The following ARF4 variants were observed in gnomAD, a reference collection of about 807,000 sequenced individuals.
The protein encoded by ARF4 is ADP-ribosylation factor 4.
Under a neutral mutation model 24.3 loss-of-function variants are expected in ARF4, and 5 were observed. That is an observed-to-expected ratio of 0.21 (90% CI 0.11 to 0.43). The LOEUF is 0.43. Ranked by LOEUF, ARF4 falls within the 20% of genes least tolerant of loss-of-function variation. The pLI is 1.00. For synonymous variants in ARF4, 62 were observed against 73.5 expected (o/e 0.84, Z 0.80); for missense variants, 107 against 213.0 (o/e 0.50, Z 3.10).
intron 1 of ARF4, among the ~76,000 whole-genome samples, chr3:57,589,056 C>T (rs1246126599): frequency 6.6e-6 from 1 of 151,056 alleles, no homozygotes; most frequent in Non-Finnish European, 1.5e-5. Flanking sequence ...GAGCTGAGAT[C>T]GCGCCATTAC....
chr3:57,586,291 TA>T (rs1214232920), intron 1 of ARF4, among the ~76,000 whole-genome samples: 1 of 151,234 alleles, frequency 6.6e-6, no homozygotes, highest in East Asian at 1.9e-4. Context: ...GACACTTTCT[TA>T]ATATTTAAAT....
At chr3:57,595,017 C>T (rs1217403388) in intron 1 of ARF4, among the ~76,000 whole-genome samples, 1 of 152,136 alleles carries the variant, frequency 6.6e-6, no homozygotes, top group African/African-American at 2.4e-5. Flanking sequence ...AAGTGCAAAA[C>T]GATAGCATGC....
intron 3 of ARF4, among the ~76,000 whole-genome samples, chr3:57,582,955 A>G (rs2069993565): frequency 6.6e-6 from 1 of 152,150 alleles, no homozygotes. Flanking sequence ...CCCCCAGGGG[A>G]TATTTTGCAG....
intron 1 of ARF4, among the ~76,000 whole-genome samples, chr3:57,585,197 T>G (rs552524641): frequency 6.6e-6 from 1 of 152,272 alleles, no homozygotes; most frequent in Admixed American, 6.5e-5. Flanking sequence ...AATTAGAAGT[T>G]GATTCAGACA....
chr3:57,577,370 T>C lies in ARF4; in HGVS notation c.276A>G (p.Val92=), dbSNP rs776292411. ...FQNTQGLIFV[V]DSNDRERIQE... ...GAATTCTTTCACGATCGTTGCTATC[T>C]ACCACAAAAATAAGACCCTGGGGAA... is the stretch of plus-strand genomic sequence containing the variant. The change falls in exon 4 of 6, where the codon GTA becomes GTG. Residue 92 remains valine (V), a synonymous_variant. Coordinates refer to ENST00000303436, the MANE Select transcript of ARF4 (RefSeq NM_001660.4). 1.2e-6 allele frequency: 2 copies of C among 1,612,054 alleles called. No individual in the cohort carries two copies. The highest frequency in any genetic ancestry group is 1.7e-6 in the Non-Finnish European group (2 of 1,179,338).
At position 57,571,419 on chromosome 3, in the gene ARF4, A is replaced by T. The variant is rs1032406324; in HGVS notation, c.*793T>A. Reference sequence around the variant, plus strand: ...TCCAAATGGGTTATGAAGAAAATGTATTCATCGAATTTGATGAGTTTTCCA... The same window carrying T: ...TCCAAATGGGTTATGAAGAAAATGTTTTCATCGAATTTGATGAGTTTTCCA... On this transcript the variant is annotated 3_prime_UTR_variant, in exon 6 of 6. Transcript: ENST00000303436. 1 of 152,644 alleles carries T rather than the reference A, an allele frequency of 6.6e-6. No individual in the cohort carries two copies. Among genetic ancestry groups the T allele is most frequent in the African/African-American group, 2.4e-5 (1 of 41,464 alleles). 9.5% of individuals were successfully genotyped at this position (152,644 alleles called of 1,614,324 possible).
chr3:57,579,809 ATCCTT>A (rs1376794044), intron 3 of ARF4, among the ~76,000 whole-genome samples: 1 of 152,158 alleles, frequency 6.6e-6, no homozygotes, highest in Non-Finnish European at 1.5e-5. Flanking sequence ...TAAATATCCT[ATCCTT>A]TGAGAAAACT....
intron 3 of ARF4, among the ~76,000 whole-genome samples, chr3:57,582,904 AG>A: frequency 6.6e-6 from 1 of 152,302 alleles, no homozygotes; most frequent in African/African-American, 2.4e-5. Flanking sequence ...TATGTAAGAG[AG>A]TTAGATTAGA....
chr3:57,577,356 C>T lies in ARF4; in HGVS notation c.290G>A (p.Arg97His), dbSNP rs748489377. The change falls in exon 4 of 6, where the codon CGT becomes CAT. Residue 97 changes from arginine to histidine, a missense_variant. Transcript: ENST00000303436. ...ATCTGCTACTTCCTGAATTCTTTCA[C>T]GATCGTTGCTATCTACCACAAAAAT... The part of the protein sequence containing the change: ...GLIFVVDSND[R>H]ERIQEVADEL... The T allele has an allele frequency of 3.0e-5, 49 of 1,613,536 alleles. No homozygotes were observed. The highest frequency in any genetic ancestry group is 2.5e-4 in the East Asian group (11 of 44,750).
chr3:57,575,712 G>C (rs1395570140), intron 4 of ARF4, 39 bp from the exon 5 acceptor site: 2 of 1,561,072 alleles, frequency 1.3e-6, no homozygotes, highest in African/African-American at 2.8e-5. Flanking sequence ...CTACCAACCG[G>C]AATCCAATTT....
intron 2 of ARF4, 188 bp downstream of exon 2, chr3:57,584,196 C>CA (rs1395717076): frequency 1.4e-6 from 1 of 713,816 alleles, no homozygotes. Context: ...CTCCTGGGCT[C>CA]AAGCAATCCA....
chr3:57,577,467 C>G, intron 3 of ARF4, 80 bp from the exon 4 acceptor site: 1 of 1,093,194 alleles, frequency 9.1e-7, no homozygotes, highest in Non-Finnish European at 1.4e-6. Flanking sequence ...CAAAATGGTA[C>G]CAATGGTTAG....
At chr3:57,576,468 T>A (rs1401201461) in intron 4 of ARF4, among the ~76,000 whole-genome samples, 2 of 151,618 alleles carry the variant, frequency 1.3e-5, no homozygotes, top group Non-Finnish European at 2.9e-5. Context: ...TTAAAAAGGA[T>A]GACATTTATA....
rs2070202188 is a variant in ARF4, at chr3:57,597,273, A to G, written c.-133T>C. On this transcript the variant is annotated 5_prime_UTR_variant, in exon 1 of 6. Coordinates refer to ENST00000303436, the MANE Select transcript of ARF4 (RefSeq NM_001660.4). ...CGGAGGAAGAAAGAGGGAGGCAGAA[A>G]CGTCTCAGTGGCCCCTGTGCCGATG... 2 of 831,984 alleles carry G rather than the reference A, an allele frequency of 2.4e-6. No individual in the cohort carries two copies. The allele number at this position is 831,984 out of a possible 1,614,324, so 51.5% of individuals were successfully genotyped here. A position where few individuals can be genotyped will look rare whatever the true frequency, so the allele number is the denominator to read the frequency against.
At chr3:57,580,302 T>C (rs1424852700) in intron 3 of ARF4, among the ~76,000 whole-genome samples, 10 of 152,214 alleles carry the variant, frequency 6.6e-5, no homozygotes, top group Admixed American at 6.5e-4. Flanking sequence ...AGATCATTGT[T>C]CTTGGCTTAT....
Position 57,597,237 on chromosome 3 carries a change from AAGAG to A in ARF4, c.-101_-98del. Reference sequence around the variant, plus strand: ...CTCCCAGGCAAACTAAACGAGAGGGAAGAGAAAGAGCGGAGGAAGAAAGAGGGAG... The same window carrying A: ...CTCCCAGGCAAACTAAACGAGAGGGAAAAGAGCGGAGGAAGAAAGAGGGAG... On this transcript the variant is annotated 5_prime_UTR_variant, in exon 1 of 6. Transcript: ENST00000303436. 8.3e-7 allele frequency: 1 copy of A among 1,207,342 alleles called. No individual in the cohort carries two copies. The highest frequency in any genetic ancestry group is 1.3e-5 in the South Asian group (1 of 77,298). The allele number at this position is 1,207,342 out of a possible 1,614,324, so 74.8% of individuals were successfully genotyped here. A position where few individuals can be genotyped will look rare whatever the true frequency, so the allele number is the denominator to read the frequency against.
chr3:57,578,539 G>A (rs2069933171), intron 3 of ARF4, among the ~76,000 whole-genome samples: 1 of 152,018 alleles, frequency 6.6e-6, no homozygotes, highest in Admixed American at 6.6e-5. Context: ...GAGCACAGTA[G>A]CACAATCTTG....
intron 5 of ARF4, among the ~76,000 whole-genome samples, chr3:57,574,910 G>A (rs1003454205): frequency 2.0e-5 from 3 of 150,302 alleles, no homozygotes; most frequent in African/African-American, 4.9e-5. Flanking sequence ...GTGCAGTGGC[G>A]CGATCGCGAC....
Position 57,575,564 on chromosome 3 carries a change from G to C in ARF4, c.440C>G (p.Ser147Cys). Residue 147 changes from serine to cysteine, a missense_variant, in exon 5 of 6, where the codon TCT (serine) becomes TGT (cysteine). Physicochemically the swap from Ser to Cys is moderately radical, Grantham distance 112 (BLOSUM62 -1). Coordinates refer to ENST00000303436, the MANE Select transcript of ARF4 (RefSeq NM_001660.4). ...AATACTTACTGTTCTGTTACGAAGAGACTGAAGCCCTAGTTTATCTGTCAT... is the reference window on the plus strand; with the variant it reads ...AATACTTACTGTTCTGTTACGAAGACACTGAAGCCCTAGTTTATCTGTCAT... ...SEMTDKLGLQ[S>C]LRNRTWYVQA... The C allele has an allele frequency of 6.2e-7, 1 of 1,613,046 alleles. No individual in the cohort carries two copies. Among genetic ancestry groups the C allele is most frequent in the Non-Finnish European group, 8.5e-7 (1 of 1,179,728 alleles).
Sources: gnomAD v4.1 joint callset for allele counts (sites outside exome capture counted in the v4.1 genomes callset) on GRCh38, gnomAD v4.1.1 for gene constraint, MANE v1.5 for transcripts, NCBI Gene and HGNC (gene_info 2026-07-23, HGNC 2026-07-21) for gene names.